The following CDH12 variants were observed in gnomAD, a reference collection of about 807,000 sequenced individuals.
CDH12 encodes the protein cadherin 12, also known as cadherin-12.
CDH12 carries 41 observed loss-of-function variants against 74.1 expected under a neutral mutation model. The observed-to-expected ratio is 0.55, with a 90% CI of 0.43 to 0.72. The LOEUF (loss-of-function observed/expected upper bound fraction) is 0.72. Ranked by LOEUF, CDH12 falls within the 30% of genes least tolerant of loss-of-function variation. The pLI, the probability that CDH12 is intolerant of heterozygous loss-of-function variation, is 0.00. For missense variants in CDH12, 945 were observed against 977.2 expected (o/e 0.97, Z 0.44); for synonymous variants, 399 against 355.0 (o/e 1.12, Z -1.39).
intron 1 of CDH12, among the ~76,000 whole-genome samples, chr5:22,713,394 G>T (rs560109794): frequency 1.3e-5 from 2 of 151,662 alleles, no homozygotes; most frequent in African/African-American, 2.4e-5. Context: ...GCCCACCTTG[G>T]CCTCCGAAAC....
intron 2 of CDH12, among the ~76,000 whole-genome samples, chr5:22,417,981 T>C (rs911066250): frequency 2.0e-4 from 30 of 152,316 alleles, no homozygotes; most frequent in East Asian, 7.7e-4. Flanking sequence ...TTAAAAACTT[T>C]ATTTAATTTT....
chr5:22,363,563 G>A (rs555900752), intron 3 of CDH12, among the ~76,000 whole-genome samples: 1 of 152,272 alleles, frequency 6.6e-6, no homozygotes, highest in South Asian at 2.1e-4. Context: ...CTTCAAATAT[G>A]TAAAATATTG....
At chr5:21,843,728 G>C (rs565845255) in intron 7 of CDH12, among the ~76,000 whole-genome samples, 1 of 152,136 alleles carries the variant, frequency 6.6e-6, no homozygotes, top group Admixed American at 6.6e-5. Flanking sequence ...AATCCAATGT[G>C]TTTGTCCTTT....
intron 9 of CDH12, among the ~76,000 whole-genome samples, chr5:21,804,966 T>G (rs1203318244): frequency 6.6e-6 from 1 of 152,116 alleles, no homozygotes; most frequent in African/African-American, 2.4e-5. Context: ...ATGTTTTCTG[T>G]TTTTCCAAAC....
intron 3 of CDH12, among the ~76,000 whole-genome samples, chr5:22,225,568 T>G (rs1752166891): frequency 6.6e-6 from 1 of 152,112 alleles, no homozygotes; most frequent in Non-Finnish European, 1.5e-5. Context: ...ATGAAACATT[T>G]TTGTAGATAA....
rs189871166 is a variant in CDH12, at chr5:22,002,147, G to T, written c.232-26762C>A. On this transcript the variant is annotated intron_variant, in intron 5 of 14. Coordinates refer to ENST00000382254, the MANE Select transcript of CDH12 (RefSeq NM_004061.5). Reference sequence around the variant, plus strand: ...AACTCATTTAGTTTGCTCTATACTAGTCAGTAAATTTAAAATGAAAAATAT... The same window carrying T: ...AACTCATTTAGTTTGCTCTATACTATTCAGTAAATTTAAAATGAAAAATAT... 3.9e-3 allele frequency among the ~76,000 whole-genome samples: 599 copies of T among 152,182 alleles called. 9 individuals carry two copies. Among genetic ancestry groups the T allele is most frequent in the African/African-American group, 0.014 (567 of 41,544 alleles).
chr5:22,121,057 A>C (rs1169667108), intron 4 of CDH12, among the ~76,000 whole-genome samples: 1 of 152,202 alleles, frequency 6.6e-6, no homozygotes, highest in Non-Finnish European at 1.5e-5. Flanking sequence ...TGAAGGCAAA[A>C]CAGTGAGTTT....
intron 3 of CDH12, among the ~76,000 whole-genome samples, chr5:22,302,043 A>G (rs999718990): frequency 5.3e-5 from 8 of 152,214 alleles, no homozygotes; most frequent in African/African-American, 1.9e-4. Context: ...TGAGTGAGAG[A>G]GAGTCTCAAA....
intron 4 of CDH12, among the ~76,000 whole-genome samples, chr5:22,205,453 T>A (rs1318341181): frequency 2.0e-5 from 3 of 152,178 alleles, no homozygotes; most frequent in Non-Finnish European, 2.9e-5. Context: ...AGGGGCAGGT[T>A]TGTAATTTTT....
At chr5:22,348,241 T>G (rs1740207653) in intron 3 of CDH12, among the ~76,000 whole-genome samples, 1 of 152,206 alleles carries the variant, frequency 6.6e-6, no homozygotes, top group African/African-American at 2.4e-5. Flanking sequence ...TAGAGCTTTC[T>G]TTAAGCCTGA....
chr5:22,495,710 A>G (rs1177006793), intron 2 of CDH12, among the ~76,000 whole-genome samples: 1 of 152,214 alleles, frequency 6.6e-6, no homozygotes, highest in Non-Finnish European at 1.5e-5. Flanking sequence ...ATTTAGAAAT[A>G]TAAGAAAAAA....
At position 22,778,524 on chromosome 5, in the gene CDH12, T is replaced by G. The variant is rs553373940; in HGVS notation, c.-523+74534A>C. 2.0e-5 allele frequency among the ~76,000 whole-genome samples: 3 copies of G among 152,288 alleles called. No individual in the cohort carries two copies. The East Asian group carries it at 5.8e-4, about 29-fold the overall frequency. On this transcript the variant is annotated intron_variant, in intron 1 of 14. Transcript: ENST00000382254. ...GCTCAGCATTCCTCCCTCAACAAAC[T>G]ATGAGAACTAATAAAAATTAGAAGT...
At chr5:21,927,510 G>C (rs953403687) in intron 6 of CDH12, among the ~76,000 whole-genome samples, 2 of 152,098 alleles carry the variant, frequency 1.3e-5, no homozygotes, top group African/African-American at 4.8e-5. Context: ...AGAATCACTT[G>C]AACCCGGGAG....
chr5:22,103,012 G>C (rs972780809), intron 4 of CDH12, among the ~76,000 whole-genome samples: 2 of 152,194 alleles, frequency 1.3e-5, no homozygotes, highest in Non-Finnish European at 2.9e-5. Flanking sequence ...GGGCTCTGCA[G>C]TAATATCCCC....
intron 1 of CDH12, among the ~76,000 whole-genome samples, chr5:22,707,127 A>C (rs1743051006): frequency 6.6e-6 from 1 of 152,144 alleles, no homozygotes; most frequent in Admixed American, 6.6e-5. Context: ...CACCCCACCC[A>C]CATTACACAG....
chr5:22,108,675 C>A (rs149950359), intron 4 of CDH12, among the ~76,000 whole-genome samples: 40 of 152,296 alleles, frequency 2.6e-4, no homozygotes, highest in Admixed American at 5.9e-4. Context: ...ATCATATGGG[C>A]AACTTAAGCC....
At chr5:22,050,460 G>A (rs569317670) in intron 5 of CDH12, among the ~76,000 whole-genome samples, 16 of 152,094 alleles carry the variant, frequency 1.1e-4, no homozygotes, top group East Asian at 9.7e-4. Flanking sequence ...TTCACAATAC[G>A]TGCCTAATTT....
intron 2 of CDH12, among the ~76,000 whole-genome samples, chr5:22,458,103 C>G (rs1745361043): frequency 6.6e-6 from 1 of 152,060 alleles, no homozygotes; most frequent in Admixed American, 6.6e-5. Flanking sequence ...TGGTCTCGAA[C>G]TGCTGACCTT....
chr5:22,317,265 C>T (rs1425090458), intron 3 of CDH12, among the ~76,000 whole-genome samples: 1 of 151,856 alleles, frequency 6.6e-6, no homozygotes, highest in African/African-American at 2.4e-5. Context: ...TTGCAGTGGG[C>T]CAAGATTGCA....
Sources: allele counts gnomAD v4.1 joint callset (sites outside exome capture counted in the v4.1 genomes callset), GRCh38; gene constraint gnomAD v4.1.1; transcripts MANE v1.5; gene names NCBI Gene and HGNC (gene_info 2026-07-23, HGNC 2026-07-21).